FSTL4: variants seen among roughly 807,000 people sequenced by gnomAD.
The protein encoded by FSTL4 is follistatin like 4.
In FSTL4, 28 loss-of-function variants were observed where a neutral mutation model predicts 78.2. The observed-to-expected ratio is 0.36, with a 90% confidence interval of 0.27 to 0.49. The LOEUF (loss-of-function observed/expected upper bound fraction) is 0.49, where lower values mean the gene tolerates loss of function less well. Among genes scored for constraint, FSTL4 ranks in the 20% least tolerant of loss-of-function variants. FSTL4 has a pLI of 0.98. For missense variants in FSTL4, 922 were observed against 1,084.9 expected (o/e 0.85, Z 2.11); for synonymous variants, 422 against 440.5 (o/e 0.96, Z 0.53).
Position 133,261,340 on chromosome 5 carries a change from C to T in FSTL4, c.728-11764G>A, listed in dbSNP as rs189865732. ...GAGGCATCACACGTAGGTACATATC[C>T]GGTGGAAAGGATGTGAGTTTTAAGA... On this transcript the variant is annotated intron_variant, in intron 6 of 15. Coordinates refer to ENST00000265342, the MANE Select transcript of FSTL4 (RefSeq NM_015082.2). 2.9e-4 allele frequency among the ~76,000 whole-genome samples: 44 copies of T among 152,124 alleles called. 1 individual carries two copies. The East Asian group carries it at 7.4e-3, about 25-fold the overall frequency.
the FSTL4 span, among the ~76,000 whole-genome samples, chr5:133,625,391 T>G: frequency 1.3e-5 from 2 of 151,654 alleles, no homozygotes; most frequent in Non-Finnish European, 3.0e-5. Flanking sequence ...AGTTGTCAAA[T>G]TTGTGTGTAT....
chr5:133,486,764 C>T (rs757888560), intron 3 of FSTL4, among the ~76,000 whole-genome samples: 57 of 152,246 alleles, frequency 3.7e-4, no homozygotes, highest in Non-Finnish European at 1.0e-4. Flanking sequence ...CAGGAGCTGG[C>T]GGTGGGTGGG....
At chr5:133,656,390 A>G in the FSTL4 span, among the ~76,000 whole-genome samples, 4 of 152,184 alleles carry the variant, frequency 2.6e-5, no homozygotes, top group African/African-American at 4.8e-5. Flanking sequence ...CAAGGGCAGT[A>G]ATTTTCTGGA....
At chr5:133,221,863 G>C (rs1751116903) in intron 11 of FSTL4, among the ~76,000 whole-genome samples, 1 of 130,984 alleles carries the variant, frequency 7.6e-6, no homozygotes, top group African/African-American at 2.8e-5. Context: ...AAATTCTAGG[G>C]TAAATATGTA....
Position 133,485,125 on chromosome 5 carries a change from T to C in FSTL4, c.160+82061A>G, listed in dbSNP as rs561204959. Among the ~76,000 whole-genome samples, 4 of 152,352 alleles carry C rather than the reference T, an allele frequency of 2.6e-5. No homozygotes were observed. The East Asian group carries it at 7.7e-4, about 29-fold the overall frequency. ...AATGAAATGTGTCTGCCCCAGGTAG[T>C]GCCATTTCTCTGTCCAGAAAATAAT... On this transcript the variant is annotated intron_variant, in intron 3 of 15. Coordinates refer to ENST00000265342, the MANE Select transcript of FSTL4 (RefSeq NM_015082.2).
At chr5:133,452,037 A>G (rs989169674) in intron 3 of FSTL4, among the ~76,000 whole-genome samples, 1 of 152,180 alleles carries the variant, frequency 6.6e-6, no homozygotes, top group Non-Finnish European at 1.5e-5. Flanking sequence ...AGGAGCCCAC[A>G]CCTGGCTGGG....
intron 6 of FSTL4, among the ~76,000 whole-genome samples, chr5:133,281,927 C>T (rs1259442809): frequency 1.3e-5 from 2 of 152,036 alleles, no homozygotes; most frequent in East Asian, 3.9e-4. Flanking sequence ...GTTCTAGGCT[C>T]CCAGACTAGA....
intron 3 of FSTL4, among the ~76,000 whole-genome samples, chr5:133,558,153 G>A (rs763781626): frequency 4.6e-5 from 7 of 152,140 alleles, no homozygotes; most frequent in East Asian, 1.9e-4. Context: ...GGACTATGCC[G>A]GGTCATCTCT....
chr5:133,841,049 A>G, the FSTL4 span, among the ~76,000 whole-genome samples: 1 of 152,234 alleles, frequency 6.6e-6, no homozygotes, highest in Non-Finnish European at 1.5e-5. Flanking sequence ...GGCTAAGGAC[A>G]TCTGCATTGT....
the FSTL4 span, among the ~76,000 whole-genome samples, chr5:133,743,251 TAAGGTGTATTAACGAC>T: frequency 1.3e-5 from 2 of 152,188 alleles, no homozygotes; most frequent in Non-Finnish European, 1.5e-5. Context: ...CCCAAGGTCT[TAAGGTGTATTAACGAC>T]AAGAACAGAC....
At chr5:133,618,318 T>G in the FSTL4 span, among the ~76,000 whole-genome samples, 2 of 152,182 alleles carry the variant, frequency 1.3e-5, no homozygotes, top group African/African-American at 4.8e-5. Context: ...AAGTGAAACC[T>G]CAAATAAGGG....
intron 3 of FSTL4, among the ~76,000 whole-genome samples, chr5:133,469,277 T>C (rs1266270678): frequency 6.6e-6 from 1 of 152,180 alleles, no homozygotes; most frequent in Non-Finnish European, 1.5e-5. Context: ...CCGCCAATTC[T>C]GAAGACCGTG....
chr5:133,387,209 C>T (rs1755720385), intron 4 of FSTL4, among the ~76,000 whole-genome samples: 2 of 152,326 alleles, frequency 1.3e-5, no homozygotes, highest in South Asian at 2.1e-4. Flanking sequence ...AAATATCTCT[C>T]CTAATCATGG....
chr5:133,502,071 G>A (rs1169619432), intron 3 of FSTL4, among the ~76,000 whole-genome samples: 3 of 152,344 alleles, frequency 2.0e-5, no homozygotes, highest in Non-Finnish European at 4.4e-5. Flanking sequence ...AGGCTTTGGA[G>A]GGAGCACAGC....
intron 3 of FSTL4, among the ~76,000 whole-genome samples, chr5:133,462,547 C>A (rs778624468): frequency 2.2e-4 from 33 of 152,226 alleles, no homozygotes; most frequent in Admixed American, 4.6e-4. Flanking sequence ...TCACTCCTAA[C>A]GATTAATCAA....
intron 4 of FSTL4, among the ~76,000 whole-genome samples, chr5:133,395,628 C>T (rs927061998): frequency 6.6e-6 from 1 of 152,214 alleles, no homozygotes; most frequent in South Asian, 2.1e-4. Flanking sequence ...CTGTGATCCA[C>T]TTGTCTGCCT....
intron 6 of FSTL4, among the ~76,000 whole-genome samples, chr5:133,301,207 C>T (rs1320260047): frequency 6.6e-6 from 1 of 152,154 alleles, no homozygotes. Flanking sequence ...TCCAAAGAGT[C>T]GTGGCTGGAG....
chr5:133,422,858 G>A (rs1756729938), intron 3 of FSTL4, among the ~76,000 whole-genome samples: 1 of 152,240 alleles, frequency 6.6e-6, no homozygotes, highest in Non-Finnish European at 1.5e-5. Flanking sequence ...GGGTCATTCA[G>A]ACCACTTCAA....
chr5:133,404,863 G>A (rs1336609900), intron 3 of FSTL4, among the ~76,000 whole-genome samples: 1 of 152,164 alleles, frequency 6.6e-6, no homozygotes, highest in Non-Finnish European at 1.5e-5. Flanking sequence ...GGGTAATTTT[G>A]CTTCCAAATA....
Sources: allele counts gnomAD v4.1 joint callset (sites outside exome capture counted in the v4.1 genomes callset), GRCh38; gene constraint gnomAD v4.1.1; transcripts MANE v1.5; gene names NCBI Gene and HGNC (gene_info 2026-07-23, HGNC 2026-07-21).